FIBP: variants seen among roughly 807,000 people sequenced by gnomAD.
FIBP encodes the protein FGF1 intracellular binding protein.
FIBP carries 29 observed loss-of-function variants against 40.5 expected under a neutral mutation model. That is an observed-to-expected ratio of 0.72 (90% CI 0.53 to 0.98). The LOEUF (loss-of-function observed/expected upper bound fraction) is 0.98, where lower values mean the gene tolerates loss of function less well. Ranked by LOEUF, FIBP falls within the 50% of genes least tolerant of loss-of-function variation. The pLI, the probability that FIBP is intolerant of heterozygous loss-of-function variation, is 0.00. For missense variants in FIBP, 411 were observed against 470.2 expected (o/e 0.87, Z 1.16); for synonymous variants, 215 against 191.1 (o/e 1.13, Z -1.03).
intron 4 of FIBP, chr11:65,886,037 G>T (rs938989671): frequency 8.6e-6 from 4 of 464,122 alleles, no homozygotes; most frequent in Non-Finnish European, 1.2e-5. Context: ...GGGTGCGGTG[G>T]CTCAAGCCTG....
chr11:65,885,181 G>C lies in FIBP; in HGVS notation c.652C>G (p.Gln218Glu). ...QNWTLGAVDS[Q>E]MDDMDMDLDK... is the part of the protein sequence containing the mutation. ...AAGTCCATGTCCATGTCATCCATCT[G>C]TGAGTCTGTGAGGCCATGAAGGGGG... The change falls in exon 6 of 10, where the codon CAG becomes GAG. Residue 218 changes from glutamine to glutamate, a missense_variant. By Grantham distance (29) the Gln-to-Glu change is conservative. Transcript: ENST00000357519. The C allele has an allele frequency of 8.4e-7, 1 of 1,197,466 alleles. No homozygotes were observed. Among genetic ancestry groups the C allele is most frequent in the Non-Finnish European group, 1.2e-6 (1 of 820,400 alleles). The allele number at this position is 1,197,466 out of a possible 1,614,324, so 74.2% of individuals were successfully genotyped here.
At chr11:65,886,467 A>C (rs772524678) in intron 3 of FIBP, 45 bp from the exon 4 acceptor site, 2 of 1,303,650 alleles carry the variant, frequency 1.5e-6, no homozygotes, top group Non-Finnish European at 2.2e-6. Flanking sequence ...CAGAGTGTAC[A>C]CTGTGTCGCT....
chr11:65,888,200 C>G (rs1159095075), intron 1 of FIBP, 68 bp from the exon 2 acceptor site: 1 of 1,497,208 alleles, frequency 6.7e-7, no homozygotes, highest in East Asian at 2.5e-5. Context: ...GTTTCCATCC[C>G]AGACCCCTAT....
At position 65,885,006 on chromosome 11, in the gene FIBP, G is replaced by A. The variant is rs371679267; in HGVS notation, c.756-8C>T. On this transcript the variant is annotated splice_region_variant and splice_polypyrimidine_tract_variant and intron_variant, in intron 6 of 9. Transcript: ENST00000357519. ...AGAGCAGTGCACACCAGGCTGCAGA[G>A]AGACAGGGTCACGCCTATAGCCACC... 3 of 1,614,078 alleles carry A rather than the reference G, an allele frequency of 1.9e-6. No individual in the cohort carries two copies. Among genetic ancestry groups the A allele is most frequent in the African/African-American group, 2.7e-5 (2 of 74,930 alleles).
intron 9 of FIBP, 73 bp downstream of exon 9, chr11:65,884,319 T>C (rs1860169732): frequency 7.2e-7 from 1 of 1,383,542 alleles, no homozygotes; most frequent in East Asian, 2.4e-5. Flanking sequence ...ACCTTGAGTC[T>C]GCAGGAGGCG....
In FIBP at chr11:65,886,363, G is replaced by T; in HGVS notation, c.471C>A (p.Asp157Glu). 1.2e-6 allele frequency: 2 copies of T among 1,613,900 alleles called. No individual in the cohort carries two copies. The highest frequency in any genetic ancestry group is 1.7e-6 in the Non-Finnish European group (2 of 1,179,954). ...AGAGGAGGAAGTGTTGCTGAATATT[G>T]TCCACCAGGGAGCCCCGCATTTCCT... ...VVEEMRGSLV[D>E]NIQQHFLLSD... The change falls in exon 4 of 10, where the codon GAC (aspartate) becomes GAA (glutamate). Residue 157 changes from aspartate to glutamate, a missense_variant. Coordinates refer to ENST00000357519, the MANE Select transcript of FIBP (RefSeq NM_004214.5).
chr11:65,886,143 G>T lies in FIBP; in HGVS notation c.512+179C>A, dbSNP rs35084072. 1,006 of 545,978 alleles carry T rather than the reference G, an allele frequency of 1.8e-3. 8 individuals are homozygous for T. The highest frequency in any genetic ancestry group is 0.015 in the African/African-American group (751 of 51,440). The allele number at this position is 545,978 out of a possible 1,614,324, so 33.8% of individuals were successfully genotyped here. A position where few individuals can be genotyped will look rare whatever the true frequency, so the allele number is the denominator to read the frequency against. ...ATTGCACCATTGCATTCCAGCCTGG[G>T]CAACAAGAGTGAAACTCCGTCTCAT... On this transcript the variant is annotated intron_variant, in intron 4 of 9. Coordinates refer to ENST00000357519, the MANE Select transcript of FIBP (RefSeq NM_004214.5).
At chr11:65,887,468 G>A (rs776695553) in intron 3 of FIBP, 132 bp downstream of exon 3, 1 of 1,027,622 alleles carries the variant, frequency 9.7e-7, no homozygotes, top group South Asian at 1.3e-5. Context: ...AAAAAAGGAG[G>A]GGAAAGGGGA....
chr11:65,884,157 A>C (rs1196515800), intron 9 of FIBP, 114 bp from the exon 10 acceptor site: 1 of 901,476 alleles, frequency 1.1e-6, no homozygotes, highest in Non-Finnish European at 1.8e-6. Flanking sequence ...AATCCTTACA[A>C]TTCTTCTCAT....
chr11:65,885,201 AGGG>A lies in FIBP; in HGVS notation c.647-18_647-16del. 1 of 236,338 alleles carries A rather than the reference AGGG, an allele frequency of 4.2e-6. No individual in the cohort carries two copies. The allele number at this position is 236,338 out of a possible 1,614,324, so 14.6% of individuals were successfully genotyped here. On this transcript the variant is annotated splice_polypyrimidine_tract_variant and intron_variant, in intron 5 of 9. Coordinates refer to ENST00000357519, the MANE Select transcript of FIBP (RefSeq NM_004214.5). The stretch of plus-strand genomic sequence containing the variant: ...CATCTGTGAGTCTGTGAGGCCATGA[AGGG>A]GGTGGGGGTGGGTGATAAAAACCCC...
At chr11:65,886,459 G>C in intron 3 of FIBP, 37 bp from the exon 4 acceptor site, 2 of 1,373,788 alleles carry the variant, frequency 1.5e-6, no homozygotes, top group Non-Finnish European at 2.1e-6. Context: ...GGACTGGTCA[G>C]AGTGTACACT....
At position 65,888,427 on chromosome 11, in the gene FIBP, C is replaced by T. The variant is rs768741077; in HGVS notation, c.-9G>A. On this transcript the variant is annotated 5_prime_UTR_variant, in exon 1 of 10. Transcript: ENST00000357519. ...TCCAGCTCACTGGTCATGGCGACGC[C>T]CGGGGCCGCAGCGCCCCGAGCAGGA... 2.6e-6 allele frequency: 4 copies of T among 1,559,530 alleles called. No homozygotes were observed. Among genetic ancestry groups the T allele is most frequent in the East Asian group, 2.4e-5 (1 of 41,860 alleles).
rs868692718 is a variant in FIBP, at chr11:65,888,379, G to A, written c.40C>T (p.Leu14Phe). The A allele has an allele frequency of 1.3e-6, 2 of 1,565,946 alleles. No individual in the cohort carries two copies. The highest frequency in any genetic ancestry group is 1.4e-5 in the African/African-American group (1 of 73,842). The change falls in exon 1 of 10, where the codon CTT (leucine) becomes TTT (phenylalanine). Residue 14 changes from leucine (L) to phenylalanine (F), a missense_variant. Leu to Phe is a conservative substitution (Grantham distance 22, BLOSUM62 0). Coordinates refer to ENST00000357519, the MANE Select transcript of FIBP (RefSeq NM_004214.5). Reference protein sequence around the residue: ...ELDIFVGNTTLIDEDVYRLWL... With the variant: ...ELDIFVGNTTFIDEDVYRLWL... ...AGGCGATACACGTCCTCGTCGATAAGGGTCGTGTTCCCCACGAAGATGTCC... is the reference window on the plus strand; with the variant it reads ...AGGCGATACACGTCCTCGTCGATAAAGGTCGTGTTCCCCACGAAGATGTCC...
rs759704019 is a variant in FIBP, at chr11:65,888,292, A to C, written c.85+42T>G. The C allele has an allele frequency of 4.6e-6, 7 of 1,532,078 alleles. No individual in the cohort carries two copies. The East Asian group carries it at 1.7e-4, about 38-fold the overall frequency. The allele number at this position is 1,532,078 out of a possible 1,614,324, so 94.9% of individuals were successfully genotyped here. Reference sequence around the variant, plus strand: ...CCCCGCCCCCTCTCCCATTCAACACAACCGCTCCGCCGACTGGCTTCCCCA... The same window carrying C: ...CCCCGCCCCCTCTCCCATTCAACACCACCGCTCCGCCGACTGGCTTCCCCA... On this transcript the variant is annotated intron_variant, in intron 1 of 9. Transcript: ENST00000357519.
At position 65,883,981 on chromosome 11, in the gene FIBP, T is replaced by A; in HGVS notation, c.1067A>T (p.His356Leu). Residue 356 changes from histidine (H) to leucine (L), a missense_variant, in exon 10 of 10, where the codon CAT becomes CTT. His to Leu is a moderately conservative substitution (Grantham distance 99, BLOSUM62 -3). Transcript: ENST00000357519. Reference sequence around the variant, plus strand: ...GGAGCGTTGGGAGGCACCTCAGTCATGATACAGGCGCAGGAGGCAGCCGCG... The same window carrying A: ...GGAGCGTTGGGAGGCACCTCAGTCAAGATACAGGCGCAGGAGGCAGCCGCG... Reference protein sequence around the residue: ...TLRGCLLRLYHD With the variant: ...TLRGCLLRLYLD The A allele has an allele frequency of 1.9e-6, 3 of 1,613,918 alleles. No homozygotes were observed. Among genetic ancestry groups the A allele is most frequent in the Non-Finnish European group, 2.5e-6 (3 of 1,179,928 alleles).
At chr11:65,886,167 A>AT in intron 4 of FIBP, 155 bp downstream of exon 4, 1 of 501,388 alleles carries the variant, frequency 2.0e-6, no homozygotes, top group Non-Finnish European at 3.5e-6. Context: ...ACTCCGTCTC[A>AT]TTAAAAAAAA....
At chr11:65,885,982 G>A (rs1860225608) in intron 4 of FIBP, 1 of 440,716 alleles carries the variant, frequency 2.3e-6, no homozygotes, top group Non-Finnish European at 4.1e-6. Context: ...TCGCTGGACT[G>A]TGCTTTGAAT....
At chr11:65,884,267 T>C in intron 9 of FIBP, 125 bp downstream of exon 9, 1 of 916,204 alleles carries the variant, frequency 1.1e-6, no homozygotes, top group South Asian at 1.5e-5. Context: ...AGAGCTTTGG[T>C]CCAGAGACTT....
Position 65,888,085 on chromosome 11 carries a change from T to A in FIBP, c.133A>T (p.Thr45Ser). ...LRVRSGILEQ[T>S]GATAAVLQSD... ...TGCAGCACCGCTGCCGTGGCGCCAG[T>A]CTGCTCCAGGATTCCCGAGCGCACC... Residue 45 changes from threonine (T) to serine (S), a missense_variant, in exon 2 of 10, where the codon ACT becomes TCT. Physicochemically the swap from Thr to Ser is moderately conservative, Grantham distance 58. Transcript: ENST00000357519. 6.2e-7 allele frequency: 1 copy of A among 1,603,952 alleles called. No individual in the cohort carries two copies. The highest frequency in any genetic ancestry group is 8.5e-7 in the Non-Finnish European group (1 of 1,177,172).
Sources: allele counts gnomAD v4.1 joint callset, GRCh38; gene constraint gnomAD v4.1.1; transcripts MANE v1.5; gene names NCBI Gene and HGNC (gene_info 2026-07-23, HGNC 2026-07-21).